Variants in DRGX observed in about 807,000 individuals in gnomAD.
The protein encoded by DRGX is dorsal root ganglia homeobox, also known as dorsal root ganglia homeobox protein.
DRGX carries 21 observed loss-of-function variants against 28.6 expected under a neutral mutation model. The observed-to-expected ratio is 0.73, with a 90% CI of 0.52 to 1.06. The LOEUF is 1.06. DRGX is among the 50% of genes least tolerant of loss of function. The pLI is 0.00. For synonymous variants in DRGX, 136 were observed against 139.1 expected (o/e 0.98, Z 0.16); for missense variants, 354 against 343.9 (o/e 1.03, Z -0.23).
intron 2 of DRGX, among the ~76,000 whole-genome samples, chr10:49,393,530 T>G (rs1395256380): frequency 6.6e-6 from 1 of 152,228 alleles, no homozygotes; most frequent in African/African-American, 2.4e-5. Flanking sequence ...AGAAGTAAGA[T>G]TATGAGCCTT....
chr10:49,395,545 C>T lies in DRGX; in HGVS notation c.-81-24G>A, dbSNP rs1254660352. 1.2e-5 allele frequency: 16 copies of T among 1,356,966 alleles called. No homozygotes were observed. In the East Asian group the frequency reaches 3.3e-4, roughly 28 times the overall value. 84.1% of individuals were successfully genotyped at this position (1,356,966 alleles called of 1,614,324 possible). A position where few individuals can be genotyped will look rare whatever the true frequency, so the allele number is the denominator to read the frequency against. On this transcript the variant is annotated intron_variant, in intron 1 of 6. Coordinates refer to ENST00000374139, the MANE Select transcript of DRGX (RefSeq NM_001276451.2). ...GGCTGCAAAGCAAACAGCGATAGAG[C>T]TTCAAGTCTCCCTCTGCCAGCGCTC...
intron 2 of DRGX, among the ~76,000 whole-genome samples, chr10:49,392,062 C>T (rs1034903710): frequency 5.3e-5 from 8 of 152,330 alleles, no homozygotes; most frequent in South Asian, 2.1e-4. Context: ...TCGTTATAAA[C>T]GCAGAACAGA....
In DRGX at chr10:49,376,896, G is replaced by T. The variant is rs115686482; in HGVS notation, c.526+9582C>A. ...TTTGTATGCCATTGTTTGCTTCTAT[G>T]AGAGTCCATGACTGTCACCTGAACT... On this transcript the variant is annotated intron_variant, in intron 6 of 6. Transcript: ENST00000374139. Among the ~76,000 whole-genome samples the T allele has an allele frequency of 5.9e-3, 897 of 152,164 alleles. 10 individuals are homozygous for T. The highest frequency in any genetic ancestry group is 0.02 in the African/African-American group (846 of 41,508).
chr10:49,380,130 C>A (rs534179580), intron 6 of DRGX, among the ~76,000 whole-genome samples: 1 of 152,222 alleles, frequency 6.6e-6, no homozygotes, highest in South Asian at 2.1e-4. Flanking sequence ...GCTATGGTGC[C>A]GCCACTTGGC....
chr10:49,389,374 T>TA (rs1002744049), intron 4 of DRGX, among the ~76,000 whole-genome samples: 2 of 152,080 alleles, frequency 1.3e-5, no homozygotes, highest in African/African-American at 4.8e-5. Context: ...AGCCCCTACA[T>TA]AAAAAAGAAC....
At position 49,364,711 on chromosome 10, in the gene DRGX, G is replaced by A. The variant is rs1028552351; in HGVS notation, c.*1405C>T. ...GACAGTGGGTTTTATCAAATGCTTCGTAGTGATCATAGACAAGGCATGATA... is the reference window on the plus strand; with the variant it reads ...GACAGTGGGTTTTATCAAATGCTTCATAGTGATCATAGACAAGGCATGATA... On this transcript the variant is annotated 3_prime_UTR_variant, in exon 7 of 7. Transcript: ENST00000374139. The A allele has an allele frequency of 3.9e-5, 6 of 151,950 alleles. No homozygotes were observed. Among genetic ancestry groups the A allele is most frequent in the African/African-American group, 1.2e-4 (5 of 41,350 alleles). 9.4% of individuals were successfully genotyped at this position (151,950 alleles called of 1,614,324 possible). A position where few individuals can be genotyped will look rare whatever the true frequency, so the allele number is the denominator to read the frequency against.
At chr10:49,369,759 C>T (rs1196797821) in intron 6 of DRGX, among the ~76,000 whole-genome samples, 2 of 150,916 alleles carry the variant, frequency 1.3e-5, no homozygotes, top group Admixed American at 6.6e-5. Context: ...TTACCATAAT[C>T]AAAAAGAAAA....
Position 49,395,468 on chromosome 10 carries a change from CGA to C in DRGX, c.-30_-29del, listed in dbSNP as rs1564711129. On this transcript the variant is annotated 5_prime_UTR_variant, in exon 2 of 7. Coordinates refer to ENST00000374139, the MANE Select transcript of DRGX (RefSeq NM_001276451.2). ...CCGGCTGTCAGATCGGCTGGACGGC[CGA>C]GACCTGGGAGGGTGGCAGCAGAACG... 24 of 1,549,602 alleles carry C rather than the reference CGA, an allele frequency of 1.5e-5. No homozygotes were observed. In the Admixed American group the frequency reaches 4.7e-4, roughly 30 times the overall value.
At chr10:49,382,734 C>T (rs1232389398) in intron 6 of DRGX, among the ~76,000 whole-genome samples, 1 of 152,170 alleles carries the variant, frequency 6.6e-6, no homozygotes, top group East Asian at 1.9e-4. Flanking sequence ...CAGCCATTCT[C>T]CAGAGGGGTC....
intron 6 of DRGX, among the ~76,000 whole-genome samples, chr10:49,382,841 C>G (rs61848639): frequency 5.9e-5 from 9 of 152,154 alleles, no homozygotes; most frequent in African/African-American, 2.2e-4. Flanking sequence ...TAGGGAGACT[C>G]TATCATATTC....
At chr10:49,377,832 T>A (rs1365151689) in intron 6 of DRGX, among the ~76,000 whole-genome samples, 1 of 152,122 alleles carries the variant, frequency 6.6e-6, no homozygotes, top group Non-Finnish European at 1.5e-5. Flanking sequence ...AACACAACAG[T>A]TGCTATTTTA....
At chr10:49,367,644 G>A (rs1347567651) in intron 6 of DRGX, among the ~76,000 whole-genome samples, 1 of 152,176 alleles carries the variant, frequency 6.6e-6, no homozygotes, top group Non-Finnish European at 1.5e-5. Flanking sequence ...TCACCCACGT[G>A]TTGCCTCTTG....
chr10:49,394,340 A>G (rs898507425), intron 2 of DRGX, among the ~76,000 whole-genome samples: 2 of 152,196 alleles, frequency 1.3e-5, no homozygotes, highest in African/African-American at 4.8e-5. Flanking sequence ...AGCAAGACTG[A>G]CAAGCATCAC....
intron 4 of DRGX, 110 bp downstream of exon 4, chr10:49,390,023 T>C (rs1160205769): frequency 1.1e-6 from 1 of 915,656 alleles, no homozygotes; most frequent in East Asian, 2.7e-5. Flanking sequence ...AAATGACAGA[T>C]AGTCTTCATT....
chr10:49,379,563 T>A (rs189277432), intron 6 of DRGX, among the ~76,000 whole-genome samples: 1 of 152,232 alleles, frequency 6.6e-6, no homozygotes, highest in African/African-American at 2.4e-5. Flanking sequence ...ACAAACGCTA[T>A]GGCCAATACA....
At chr10:49,378,334 C>G (rs917335388) in intron 6 of DRGX, among the ~76,000 whole-genome samples, 1 of 152,178 alleles carries the variant, frequency 6.6e-6, no homozygotes, top group African/African-American at 2.4e-5. Flanking sequence ...GTCACACACA[C>G]CACATATTGC....
chr10:49,370,901 C>G (rs927285210), intron 6 of DRGX, among the ~76,000 whole-genome samples: 24 of 152,190 alleles, frequency 1.6e-4, no homozygotes, highest in Non-Finnish European at 2.9e-4. Context: ...GTTGCCTTAA[C>G]AGAGGCAGAA....
In DRGX at chr10:49,384,933, AGAT is replaced by A. The variant is rs201750893; in HGVS notation, c.526+1542_526+1544del. On this transcript the variant is annotated intron_variant, in intron 6 of 6. Transcript: ENST00000374139. ...GAGCGACCCTCATTTGTAAAAGAGA[AGAT>A]GACTCTCAGGAGCTGACCTGGCCCT... is the stretch of plus-strand genomic sequence containing the variant. 3.4e-3 allele frequency among the ~76,000 whole-genome samples: 524 copies of A among 152,334 alleles called. 2 individuals are homozygous for A. Among genetic ancestry groups the A allele is most frequent in the African/African-American group, 0.012 (505 of 41,566 alleles).
At chr10:49,373,143 C>T (rs1181595344) in intron 6 of DRGX, among the ~76,000 whole-genome samples, 6 of 151,942 alleles carry the variant, frequency 3.9e-5, no homozygotes, top group Admixed American at 3.3e-4. Context: ...ATTAAATTAG[C>T]TACTAAGGAA....
Sources: allele counts gnomAD v4.1 joint callset (sites outside exome capture counted in the v4.1 genomes callset), GRCh38; gene constraint gnomAD v4.1.1; transcripts MANE v1.5; gene names NCBI Gene and HGNC (gene_info 2026-07-23, HGNC 2026-07-21).